The following ZMYND11 variants were observed in gnomAD, a reference collection of about 807,000 sequenced individuals.
ZMYND11 encodes zinc finger MYND domain-containing protein 11.
A neutral mutation model predicts 84.9 loss-of-function variants in ZMYND11; 9 were observed. The observed-to-expected ratio is 0.11, with a 90% CI of 0.06 to 0.18. The LOEUF is 0.18. Ranked by LOEUF, ZMYND11 falls within the 10% of genes least tolerant of loss-of-function variation. The pLI is 1.00. For synonymous variants in ZMYND11, 250 were observed against 244.1 expected, an observed-to-expected ratio of 1.02 and a Z score of -0.23; for missense variants, 409 against 761.0, an observed-to-expected ratio of 0.54 and a Z score of 5.44.
intron 2 of ZMYND11, among the ~76,000 whole-genome samples, chr10:205,356 A>T (rs1943936206): frequency 6.6e-6 from 1 of 151,980 alleles, no homozygotes; most frequent in African/African-American, 2.4e-5. Context: ...TTCACTGTGA[A>T]TTAGATTAGG....
intron 9 of ZMYND11, 70 bp from the exon 10 acceptor site, chr10:241,951 T>TA: frequency 6.5e-7 from 1 of 1,539,618 alleles, no homozygotes; most frequent in Non-Finnish European, 8.9e-7. Flanking sequence ...GTGACTAGTT[T>TA]AATATTAATG....
intron 1 of ZMYND11, among the ~76,000 whole-genome samples, chr10:160,275 GCAA>G (rs1554761284): frequency 6.6e-6 from 1 of 152,190 alleles, no homozygotes; most frequent in Non-Finnish European, 1.5e-5. Context: ...TGTTAAGTGT[GCAA>G]CAACAGTTAT....
At chr10:241,694 T>TTAGG (rs1420729646) in intron 9 of ZMYND11, among the ~76,000 whole-genome samples, 1 of 152,118 alleles carries the variant, frequency 6.6e-6, no homozygotes. Context: ...GCCTAAAATT[T>TTAGG]CCCCATTTCT....
intron 10 of ZMYND11, 89 bp downstream of exon 10, chr10:242,228 A>C: frequency 3.3e-6 from 5 of 1,501,702 alleles, no homozygotes; most frequent in South Asian, 1.3e-5. Context: ...AGATGCATGA[A>C]GTTTATTTTA....
At chr10:242,815 T>C (rs1008973382) in intron 10 of ZMYND11, among the ~76,000 whole-genome samples, 4 of 152,202 alleles carry the variant, frequency 2.6e-5, no homozygotes, top group Non-Finnish European at 4.4e-5. Context: ...TTACTTAGTC[T>C]TCATTAATTT....
At chr10:230,262 CAGG>C (rs1948778572) in intron 4 of ZMYND11, among the ~76,000 whole-genome samples, 1 of 151,998 alleles carries the variant, frequency 6.6e-6, no homozygotes, top group Non-Finnish European at 1.5e-5. Flanking sequence ...ATCATGAGGT[CAGG>C]AGTTCAAGAC....
chr10:232,564 T>C (rs1193061375), intron 4 of ZMYND11, among the ~76,000 whole-genome samples: 2 of 152,224 alleles, frequency 1.3e-5, no homozygotes, highest in Non-Finnish European at 2.9e-5. Flanking sequence ...TCTGTCGGCC[T>C]CTGTGGCCTT....
At chr10:218,459 A>G (rs866731711) in intron 3 of ZMYND11, 76 of 382,764 alleles carry the variant, frequency 2.0e-4, no homozygotes, top group African/African-American at 1.6e-3. Context: ...TGAAAGGCCT[A>G]TAGTATGCAG....
chr10:145,544 C>G (rs113472250), intron 1 of ZMYND11, among the ~76,000 whole-genome samples: 1 of 152,198 alleles, frequency 6.6e-6, no homozygotes, highest in Non-Finnish European at 1.5e-5. Flanking sequence ...TTCTCCGCAT[C>G]CATGCCAACA....
chr10:130,583 A>G (rs544473294), upstream of ZMYND11, among the ~76,000 whole-genome samples: 63 of 152,366 alleles, frequency 4.1e-4, no homozygotes, highest in Non-Finnish European at 7.2e-4. Flanking sequence ...ATGAAATCGT[A>G]TATTATTCCC....
rs149672904 is a variant in ZMYND11 at position 242,152 on chromosome 10, C to T, written c.950+13C>T. ...ACCACCACCAGAGGTAATTTGTGAT[C>T]CCATGTTCAGCGGTCACAGCTGTGC... On this transcript the variant is annotated intron_variant, in intron 10 of 14. Transcript: ENST00000381604. The T allele has an allele frequency of 6.2e-7, 1 of 1,613,818 alleles. No homozygotes were observed. Among genetic ancestry groups the T allele is most frequent in the African/African-American group, 1.3e-5 (1 of 74,974 alleles).
At chr10:222,174 T>G (rs550995581) in intron 4 of ZMYND11, among the ~76,000 whole-genome samples, 37 of 152,350 alleles carry the variant, frequency 2.4e-4, no homozygotes, top group African/African-American at 8.9e-4. Context: ...ATATGCTTTA[T>G]AATAACTTGC....
intron 1 of ZMYND11, among the ~76,000 whole-genome samples, chr10:167,489 T>TA (rs1554764260): frequency 6.6e-6 from 1 of 152,184 alleles, no homozygotes; most frequent in African/African-American, 2.4e-5. Context: ...AAAAATTTTT[T>TA]AAAAGGTGAA....
chr10:185,914 C>T (rs1487181058), intron 2 of ZMYND11, among the ~76,000 whole-genome samples: 2 of 151,778 alleles, frequency 1.3e-5, no homozygotes, highest in Non-Finnish European at 1.5e-5. Context: ...ATAATTCCTT[C>T]TGACAGAGGT....
intron 2 of ZMYND11, among the ~76,000 whole-genome samples, chr10:184,791 T>C (rs1937710716): frequency 6.6e-6 from 1 of 152,212 alleles, no homozygotes; most frequent in Non-Finnish European, 1.5e-5. Flanking sequence ...CTGAATACTC[T>C]TTCCAGATTT....
chr10:152,875 G>A (rs1840737605), intron 1 of ZMYND11, among the ~76,000 whole-genome samples: 2 of 152,212 alleles, frequency 1.3e-5, no homozygotes, highest in Admixed American at 6.5e-5. Context: ...TCAGACCACA[G>A]TGCAATCAAA....
chr10:238,657 C>G (rs1950390192), intron 6 of ZMYND11, among the ~76,000 whole-genome samples: 1 of 152,144 alleles, frequency 6.6e-6, no homozygotes, highest in South Asian at 2.1e-4. Context: ...CGCCCGGCCA[C>G]AAGTTTCTTT....
chr10:210,950 C>G (rs1043865841), intron 3 of ZMYND11, among the ~76,000 whole-genome samples: 3 of 152,034 alleles, frequency 2.0e-5, no homozygotes, highest in African/African-American at 7.2e-5. Context: ...ATCACTTGAG[C>G]CCAGGAGTTC....
chr10:143,350 G>GT (rs1224025159), intron 1 of ZMYND11, among the ~76,000 whole-genome samples: 1 of 152,148 alleles, frequency 6.6e-6, no homozygotes, highest in Non-Finnish European at 1.5e-5. Flanking sequence ...GAATTTTTTA[G>GT]TTTTCTCTTG....
Sources: gnomAD v4.1 joint callset for allele counts (sites outside exome capture counted in the v4.1 genomes callset) on GRCh38, gnomAD v4.1.1 for gene constraint, MANE v1.5 for transcripts, NCBI Gene and HGNC (gene_info 2026-07-23, HGNC 2026-07-21) for gene names.